The following ESRP1 variants were observed in gnomAD, a reference collection of about 807,000 sequenced individuals.
ESRP1 encodes the protein epithelial splicing regulatory protein 1.
In ESRP1, 33 loss-of-function variants were observed where a neutral mutation model predicts 81.7. That is an observed-to-expected ratio of 0.40 (90% CI 0.31 to 0.54). The LOEUF is 0.54. Among genes scored for constraint, ESRP1 ranks in the 20% least tolerant of loss-of-function variants. The pLI, the probability that ESRP1 is intolerant of heterozygous loss-of-function variation, is 0.41. For missense variants in ESRP1, 672 were observed against 833.1 expected, an observed-to-expected ratio of 0.81 and a Z score of 2.38; for synonymous variants, 320 against 303.3, an observed-to-expected ratio of 1.06 and a Z score of -0.57.
At position 94,641,645 on chromosome 8, in the gene ESRP1, CCG is replaced by C. The variant is rs1029526679; in HGVS notation, c.132+197_132+198del. The C allele has an allele frequency of 9.6e-5, 78 of 813,304 alleles. No individual in the cohort carries two copies. The Middle Eastern group carries it at 1.8e-3, about 19-fold the overall frequency. The allele number at this position is 813,304 out of a possible 1,614,324, so 50.4% of individuals were successfully genotyped here. Reference sequence around the variant, plus strand: ...ACTGCCTTGGAGCCATTTCAGTCCTCCGCAACTTAGCTCAGGTGGAGAGGCCG... The same window carrying C: ...ACTGCCTTGGAGCCATTTCAGTCCTCCAACTTAGCTCAGGTGGAGAGGCCG... On this transcript the variant is annotated intron_variant, in intron 1 of 15. Transcript: ENST00000433389.
At chr8:94,652,942 C>A (rs1489557943) in intron 4 of ESRP1, among the ~76,000 whole-genome samples, 1 of 152,176 alleles carries the variant, frequency 6.6e-6, no homozygotes, top group East Asian at 1.9e-4. Flanking sequence ...TGTATACAAT[C>A]ATTTGAGGCA....
At chr8:94,696,730 G>C (rs1809620056) in intron 14 of ESRP1, 122 bp from the exon 15 acceptor site, 1 of 696,078 alleles carries the variant, frequency 1.4e-6, no homozygotes. Flanking sequence ...GCTTGTACCT[G>C]TGTTTGTTTC....
At chr8:94,676,137 G>C (rs1232011456) in intron 12 of ESRP1, among the ~76,000 whole-genome samples, 1 of 152,124 alleles carries the variant, frequency 6.6e-6, no homozygotes, top group African/African-American at 2.4e-5. Context: ...ACTTTAGGAG[G>C]CTGAGGCAGG....
Position 94,687,575 on chromosome 8 carries a change from G to A in ESRP1, c.1821-5102G>A, listed in dbSNP as rs545560142. Among the ~76,000 whole-genome samples, 5 of 152,226 alleles carry A rather than the reference G, an allele frequency of 3.3e-5. No individual in the cohort carries two copies. The Middle Eastern group carries it at 0.01, about 311-fold the overall frequency. ...ACAATATATAAAGGTTCTAATTTCT[G>A]TAATTGCTTTCCAATTCTTACTGTC... On this transcript the variant is annotated intron_variant, in intron 13 of 15. Coordinates refer to ENST00000433389, the MANE Select transcript of ESRP1 (RefSeq NM_017697.4).
chr8:94,642,466 C>T (rs1430864609), intron 2 of ESRP1, among the ~76,000 whole-genome samples: 9 of 152,228 alleles, frequency 5.9e-5, no homozygotes, highest in Non-Finnish European at 1.2e-4. Flanking sequence ...AGCCTTCGGG[C>T]AGGGGGCGCT....
At chr8:94,698,361 G>A (rs956204871) in intron 15 of ESRP1, among the ~76,000 whole-genome samples, 2 of 152,022 alleles carry the variant, frequency 1.3e-5, no homozygotes, top group African/African-American at 2.4e-5. Context: ...TTTGTCCTTC[G>A]GTAACTGGCT....
chr8:94,678,337 C>A lies in ESRP1; in HGVS notation c.1786C>A (p.Gln596Lys). Reference protein sequence around the residue: ...PSTAYYPAGTQLFMNYTAYYP... With the variant: ...PSTAYYPAGTKLFMNYTAYYP... The stretch of plus-strand genomic sequence containing the variant: ...CACAGCGTACTACCCAGCAGGCACT[C>A]AGCTCTTCATGAATTACACAGCGTA... Residue 596 changes from glutamine to lysine, a missense_variant, in exon 13 of 16, where the codon CAG (glutamine) becomes AAG (lysine). Transcript: ENST00000433389. 1.2e-6 allele frequency: 2 copies of A among 1,613,952 alleles called. No individual in the cohort carries two copies. The highest frequency in any genetic ancestry group is 1.7e-6 in the Non-Finnish European group (2 of 1,179,866).
At chr8:94,701,846 T>G (rs1404933637) in intron 15 of ESRP1, among the ~76,000 whole-genome samples, 1 of 152,198 alleles carries the variant, frequency 6.6e-6, no homozygotes, top group African/African-American at 2.4e-5. Flanking sequence ...CTTATGCCTG[T>G]GCATGGAAGA....
At chr8:94,664,651 C>A in intron 6 of ESRP1, 46 bp from the exon 7 acceptor site, 1 of 1,428,296 alleles carries the variant, frequency 7.0e-7, no homozygotes, top group Non-Finnish European at 9.9e-7. Context: ...AGGTGTCTGA[C>A]TTGCTAGCAT....
In ESRP1 at chr8:94,674,293, C is replaced by T. The variant is rs200623410; in HGVS notation, c.1453-15C>T. The T allele has an allele frequency of 4.2e-5, 68 of 1,605,460 alleles. No individual in the cohort carries two copies. Among genetic ancestry groups the T allele is most frequent in the Admixed American group, 3.2e-4 (18 of 56,434 alleles). On this transcript the variant is annotated splice_polypyrimidine_tract_variant and intron_variant, in intron 11 of 15. Transcript: ENST00000433389. ...ACAGTCTCCTTTTGTTTTTATTCTT[C>T]CCCCACACACTCAGGGCCGCCCATC...
intron 13 of ESRP1, among the ~76,000 whole-genome samples, chr8:94,679,543 A>G (rs1808785517): frequency 6.6e-6 from 1 of 152,218 alleles, no homozygotes; most frequent in Admixed American, 6.5e-5. Flanking sequence ...GTAGTGGTAC[A>G]GGAAGGAGTT....
At chr8:94,669,261 G>T (rs1819183985) in intron 10 of ESRP1, among the ~76,000 whole-genome samples, 1 of 152,164 alleles carries the variant, frequency 6.6e-6, no homozygotes, top group Non-Finnish European at 1.5e-5. Context: ...GGTATAGACT[G>T]CTTTTCCAAC....
chr8:94,644,032 C>T (rs543210546), intron 3 of ESRP1, among the ~76,000 whole-genome samples: 1 of 152,296 alleles, frequency 6.6e-6, no homozygotes, highest in South Asian at 2.1e-4. Flanking sequence ...AACATTCTTG[C>T]ATCAAAACAA....
chr8:94,646,342 C>A lies in ESRP1; in HGVS notation c.490+60C>A, dbSNP rs562170256. On this transcript the variant is annotated intron_variant, in intron 4 of 15. Transcript: ENST00000433389. ...AAAGATAGTTCCAGAAAAGGTAATT[C>A]AAGAAACTTTCAAACATTTTAAATT... 1.8e-4 allele frequency: 177 copies of A among 1,005,048 alleles called. 2 individuals are homozygous for A. The South Asian group carries it at 3.1e-3, about 17-fold the overall frequency. The allele number at this position is 1,005,048 out of a possible 1,614,324, so 62.3% of individuals were successfully genotyped here.
Position 94,695,348 on chromosome 8 carries a change from C to CTTTTTTTTT in ESRP1, c.1972-1488_1972-1480dup, listed in dbSNP as rs1177357708. On this transcript the variant is annotated intron_variant, in intron 14 of 15. Transcript: ENST00000433389. Reference sequence around the variant, plus strand: ...GAGTAAATAAAATTTCTTTTTCTTTCTTTTTTTTTTTTTTTTTTTTTTTTG... The same window carrying CTTTTTTTTT: ...GAGTAAATAAAATTTCTTTTTCTTTCTTTTTTTTTTTTTTTTTTTTTTTTTTTTTTTTTG... Among the ~76,000 whole-genome samples, 116 of 61,166 alleles carry CTTTTTTTTT rather than the reference C, an allele frequency of 1.9e-3. 3 individuals are homozygous for CTTTTTTTTT. Among genetic ancestry groups the CTTTTTTTTT allele is most frequent in the African/African-American group, 4.0e-3 (68 of 16,864 alleles). 40.1% of individuals were successfully genotyped at this position (61,166 alleles called of 152,430 possible). A position where few individuals can be genotyped will look rare whatever the true frequency, so the allele number is the denominator to read the frequency against.
At chr8:94,684,945 C>T (rs1015525019) in intron 13 of ESRP1, among the ~76,000 whole-genome samples, 3 of 151,486 alleles carry the variant, frequency 2.0e-5, no homozygotes, top group African/African-American at 7.3e-5. Context: ...TAGAGGATTG[C>T]TTGAGCCTGG....
At chr8:94,686,755 G>A (rs907953712) in intron 13 of ESRP1, among the ~76,000 whole-genome samples, 30 of 152,178 alleles carry the variant, frequency 2.0e-4, no homozygotes, top group African/African-American at 7.2e-4. Context: ...AATCTGAAAT[G>A]TAAAGGTATA....
chr8:94,672,780 G>A (rs1470615178), intron 11 of ESRP1, among the ~76,000 whole-genome samples: 8 of 152,208 alleles, frequency 5.3e-5, no homozygotes, highest in Admixed American at 1.3e-4. Flanking sequence ...CGATCTACCC[G>A]CCTTGGCCTC....
intron 9 of ESRP1, among the ~76,000 whole-genome samples, chr8:94,667,435 T>A (rs199644465): frequency 6.8e-6 from 1 of 147,836 alleles, no homozygotes. Flanking sequence ...CTTTCTTAAT[T>A]AAAAAAAAAA....
Sources: gnomAD v4.1 joint callset for allele counts (sites outside exome capture counted in the v4.1 genomes callset) on GRCh38, gnomAD v4.1.1 for gene constraint, MANE v1.5 for transcripts, NCBI Gene and HGNC (gene_info 2026-07-23, HGNC 2026-07-21) for gene names.